The following BRIP1 variants were observed in gnomAD, a reference collection of about 807,000 sequenced individuals.
The protein encoded by BRIP1 is Fanconi anemia group J protein.
A neutral mutation model predicts 119.7 loss-of-function variants in BRIP1; 88 were observed. The observed-to-expected ratio is 0.74, with a 90% CI of 0.62 to 0.88. The LOEUF is 0.88. BRIP1 is among the 40% of genes least tolerant of loss of function. The pLI is 0.00. For synonymous variants in BRIP1, 443 were observed against 496.5 expected (o/e 0.89, Z 1.43); for missense variants, 1,259 against 1,455.4 (o/e 0.87, Z 2.20).
rs1200812316 is a variant in BRIP1 at position 61,689,264 on chromosome 17, G to A, written c.2576-3099C>T. Among the ~76,000 whole-genome samples, 1 of 151,922 alleles carries A rather than the reference G, an allele frequency of 6.6e-6. No homozygotes were observed. Among genetic ancestry groups the A allele is most frequent in the Admixed American group, 6.6e-5 (1 of 15,232 alleles). On this transcript the variant is annotated intron_variant, in intron 18 of 19. Transcript: ENST00000259008. This position sits in a 1 kb window ranked among gnomAD's most constrained non-coding sequence, Gnocchi z 4.5. ...TCACCACGTTGGCCAGGCTGGTCTT[G>A]AACTCCTGACCTCAAGTGATCCACC...
In BRIP1 at chr17:61,827,230, T is replaced by C. The variant is rs1013699813; in HGVS notation, c.628-18473A>G. ...GTAGGAGCTAAATCATGAGAACATA[T>C]GGAAACATAAAGGGGAAAAACACAC... On this transcript the variant is annotated intron_variant, in intron 6 of 19. Transcript: ENST00000259008. This position sits in a 1 kb window ranked among gnomAD's most constrained non-coding sequence, Gnocchi z 5.8. 2.0e-5 allele frequency among the ~76,000 whole-genome samples: 3 copies of C among 151,944 alleles called. No homozygotes were observed. The highest frequency in any genetic ancestry group is 1.9e-4 in the East Asian group (1 of 5,196).
rs2077523746 is a variant in BRIP1 at position 61,775,825 on chromosome 17, T to G, written c.2097+576A>C. 1 of 152,304 alleles carries G rather than the reference T, an allele frequency of 6.6e-6. No individual in the cohort carries two copies. 9.4% of individuals were successfully genotyped at this position (152,304 alleles called of 1,614,324 possible). A position where few individuals can be genotyped will look rare whatever the true frequency, so the allele number is the denominator to read the frequency against. Reference sequence around the variant, plus strand: ...ATCGACTTGTCCCTAAGAATAAAAATGTACACATAAACACTTCTCCTATAT... The same window carrying G: ...ATCGACTTGTCCCTAAGAATAAAAAGGTACACATAAACACTTCTCCTATAT... On this transcript the variant is annotated intron_variant, in intron 14 of 19. Transcript: ENST00000259008. This position sits in a 1 kb window ranked among gnomAD's most constrained non-coding sequence, Gnocchi z 4.4.
chr17:61,782,378 TC>T (rs2077635999), intron 11 of BRIP1, among the ~76,000 whole-genome samples: 1 of 81,754 alleles, frequency 1.2e-5, no homozygotes, highest in Non-Finnish European at 2.2e-5. Flanking sequence ...AGAGCGAGAC[TC>T]CCGTCTCAGA....
rs45437094 is a variant in BRIP1, at chr17:61,683,943, G to A, written c.3103C>T (p.Arg1035Cys). The change falls in exon 20 of 20, where the codon CGT (arginine) becomes TGT (cysteine). Residue 1035 changes from arginine to cysteine, a missense_variant. Arg to Cys is a radical substitution (Grantham distance 180, BLOSUM62 -3). Coordinates refer to ENST00000259008, the MANE Select transcript of BRIP1 (RefSeq NM_032043.3). This position sits in a 1 kb window ranked among gnomAD's most constrained non-coding sequence, Gnocchi z 4.7. ...SSENSASSPP[R>C]FKTEKMESKT... is the part of the protein sequence containing the mutation. ...CTTTCCATCTTCTCTGTTTTGAAACGGGGAGGACTAGAGGCACTATTCTCT... is the reference window on the plus strand; with the variant it reads ...CTTTCCATCTTCTCTGTTTTGAAACAGGGAGGACTAGAGGCACTATTCTCT... The A allele has an allele frequency of 3.1e-4, 497 of 1,614,128 alleles. 3 individuals carry two copies. In the South Asian group the frequency reaches 4.2e-3, roughly 14 times the overall value.
At chr17:61,784,828 CA>C (rs941640470) in intron 10 of BRIP1, among the ~76,000 whole-genome samples, 6 of 152,178 alleles carry the variant, frequency 3.9e-5, no homozygotes, top group African/African-American at 1.4e-4. Flanking sequence ...TCAGTGGAAG[CA>C]GGCTAAGGTC....
rs1383591701 is a variant in BRIP1, at chr17:61,715,529, T to C, written c.2492+422A>G. The stretch of plus-strand genomic sequence containing the variant: ...ACTGAAAGTACACTTTCAAATAGAA[T>C]ATCTCCTCACACTGGCTGGTATATC... On this transcript the variant is annotated intron_variant, in intron 17 of 19. Transcript: ENST00000259008. 3.9e-5 allele frequency among the ~76,000 whole-genome samples: 6 copies of C among 152,322 alleles called. No homozygotes were observed. The East Asian group carries it at 9.6e-4, about 24-fold the overall frequency.
In BRIP1 at chr17:61,844,199, G is replaced by A. The variant is rs527381442; in HGVS notation, c.627+2902C>T. Reference sequence around the variant, plus strand: ...TCACCTTGGCCTCCCAAAGTGCTGAGATTATAGGCATGAGCCATGATGCCT... The same window carrying A: ...TCACCTTGGCCTCCCAAAGTGCTGAAATTATAGGCATGAGCCATGATGCCT... On this transcript the variant is annotated intron_variant, in intron 6 of 19. Coordinates refer to ENST00000259008, the MANE Select transcript of BRIP1 (RefSeq NM_032043.3). This position sits in a 1 kb window ranked among gnomAD's most constrained non-coding sequence, Gnocchi z 4.7. Among the ~76,000 whole-genome samples, 96 of 152,178 alleles carry A rather than the reference G, an allele frequency of 6.3e-4. No homozygotes were observed. Among genetic ancestry groups the A allele is most frequent in the African/African-American group, 2.2e-3 (93 of 41,522 alleles).
intron 17 of BRIP1, among the ~76,000 whole-genome samples, chr17:61,707,009 C>A (rs1318191662): frequency 6.6e-6 from 1 of 151,004 alleles, no homozygotes; most frequent in Non-Finnish European, 1.5e-5. Flanking sequence ...TAGTTCCCTG[C>A]ATCCTTGATA....
rs963151228 is a variant in BRIP1, at chr17:61,769,917, C to G, written c.2097+6484G>C. ...TAGGGGCTGCAGTCTTGCCAGGGGG[C>G]CCACAATTTTTAAGACATTACCTCT... On this transcript the variant is annotated intron_variant, in intron 14 of 19. Transcript: ENST00000259008. The surrounding 1 kb of genome is among the most constrained non-coding windows in gnomAD (Gnocchi z 4.9). Among the ~76,000 whole-genome samples the G allele has an allele frequency of 6.6e-6, 1 of 152,100 alleles. No homozygotes were observed. Among genetic ancestry groups the G allele is most frequent in the Non-Finnish European group, 1.5e-5 (1 of 68,012 alleles).
rs1478454760 is a variant in BRIP1, at chr17:61,856,220, T to C, written c.379+838A>G. On this transcript the variant is annotated intron_variant, in intron 4 of 19. Transcript: ENST00000259008. This position sits in a 1 kb window ranked among gnomAD's most constrained non-coding sequence, Gnocchi z 5.1. ...CATTCCTACCAGAAGTTCAATCATC[T>C]ACCCTCCTCTATATAGTCACATGCT... Among the ~76,000 whole-genome samples, 5 of 152,248 alleles carry C rather than the reference T, an allele frequency of 3.3e-5. No homozygotes were observed. The highest frequency in any genetic ancestry group is 1.2e-4 in the African/African-American group (5 of 41,470).
chr17:61,849,840 A>G (rs1295974364), intron 4 of BRIP1, among the ~76,000 whole-genome samples: 1 of 152,206 alleles, frequency 6.6e-6, no homozygotes, highest in Non-Finnish European at 1.5e-5. Flanking sequence ...GAGCCTAGAC[A>G]TGACTGAATC....
At chr17:61,694,534 C>T (rs1422126271) in intron 17 of BRIP1, among the ~76,000 whole-genome samples, 1 of 151,982 alleles carries the variant, frequency 6.6e-6, no homozygotes, top group Non-Finnish European at 1.5e-5. Context: ...CTTGGGCATA[C>T]ACCTAGAAGT....
intron 17 of BRIP1, among the ~76,000 whole-genome samples, chr17:61,702,972 C>CTTTTTTTTTTTTTTTTTTTTTTTTTTT (rs61428664): frequency 8.0e-6 from 1 of 125,224 alleles, no homozygotes. Flanking sequence ...AGCATCTGTT[C>CTTTTTTTTTTTTTTTTTTTTTTTTTTT]TTTTTTTTTT....
intron 16 of BRIP1, among the ~76,000 whole-genome samples, chr17:61,737,284 A>C (rs2076931305): frequency 6.6e-6 from 1 of 152,200 alleles, no homozygotes; most frequent in African/African-American, 2.4e-5. Flanking sequence ...AGATTGGCCA[A>C]ATGGATTTTT....
rs766556130 is a variant in BRIP1, at chr17:61,760,443, A to G, written c.2098-15852T>C. On this transcript the variant is annotated intron_variant, in intron 14 of 19. Coordinates refer to ENST00000259008, the MANE Select transcript of BRIP1 (RefSeq NM_032043.3). This position sits in a 1 kb window ranked among gnomAD's most constrained non-coding sequence, Gnocchi z 4.6. ...AGGAAAGAAGTAATAAAGATCAGAG[A>G]ATAAATAAATAAAGTAGAGACTAGG... Among the ~76,000 whole-genome samples, 1 of 151,936 alleles carries G rather than the reference A, an allele frequency of 6.6e-6. No individual in the cohort carries two copies. The highest frequency in any genetic ancestry group is 1.5e-5 in the Non-Finnish European group (1 of 67,892).
chr17:61,721,660 TATAAAGG>T (rs1438517098), intron 16 of BRIP1, among the ~76,000 whole-genome samples: 2 of 148,226 alleles, frequency 1.3e-5, no homozygotes, highest in Non-Finnish European at 3.0e-5. Flanking sequence ...ACAACTAGAA[TATAAAGG>T]ACATATAAAG....
chr17:61,824,969 T>C lies in BRIP1; in HGVS notation c.628-16212A>G, dbSNP rs1271678394. Reference sequence around the variant, plus strand: ...ACTGAATGAGCAAAAGCTAGAAGCATTTCCCCTGAAAACCAGCACAAGAAA... The same window carrying C: ...ACTGAATGAGCAAAAGCTAGAAGCACTTCCCCTGAAAACCAGCACAAGAAA... On this transcript the variant is annotated intron_variant, in intron 6 of 19. Coordinates refer to ENST00000259008, the MANE Select transcript of BRIP1 (RefSeq NM_032043.3). This position sits in a 1 kb window ranked among gnomAD's most constrained non-coding sequence, Gnocchi z 4.3. Among the ~76,000 whole-genome samples the C allele has an allele frequency of 1.3e-5, 2 of 152,128 alleles. No homozygotes were observed. Among genetic ancestry groups the C allele is most frequent in the Non-Finnish European group, 2.9e-5 (2 of 68,028 alleles).
chr17:61,838,492 G>A (rs993616389), intron 6 of BRIP1, among the ~76,000 whole-genome samples: 1 of 151,620 alleles, frequency 6.6e-6, no homozygotes, highest in Non-Finnish European at 1.5e-5. Flanking sequence ...CTTGCAGTGA[G>A]CCGATCGCGC....
In BRIP1 at chr17:61,703,151, A is replaced by C. The variant is rs2061642229; in HGVS notation, c.2493-9639T>G. Among the ~76,000 whole-genome samples the C allele has an allele frequency of 6.6e-6, 1 of 151,592 alleles. No individual in the cohort carries two copies. The highest frequency in any genetic ancestry group is 2.4e-5 in the African/African-American group (1 of 41,264). ...ACAATCCCAACTCACTGCAAACTCC[A>C]CCTCCCGGGTTCAAACGATTCTCCT... is the stretch of plus-strand genomic sequence containing the variant. On this transcript the variant is annotated intron_variant, in intron 17 of 19. Transcript: ENST00000259008. The surrounding 1 kb of genome is among the most constrained non-coding windows in gnomAD (Gnocchi z 5.0).
Sources: allele counts gnomAD v4.1 joint callset (sites outside exome capture counted in the v4.1 genomes callset), GRCh38; gene constraint gnomAD v4.1.1; non-coding constraint Gnocchi (gnomAD v3.1); transcripts MANE v1.5; gene names NCBI Gene and HGNC (gene_info 2026-07-23, HGNC 2026-07-21).